The following KCTD9 variants were observed in gnomAD, a reference collection of about 807,000 sequenced individuals.
KCTD9 encodes BTB/POZ domain-containing protein KCTD9.
Under a neutral mutation model 53.3 loss-of-function variants are expected in KCTD9, and 17 were observed. The ratio of observed to expected loss-of-function variants is 0.32; its 90% confidence interval spans 0.22 to 0.48. The LOEUF (loss-of-function observed/expected upper bound fraction) is 0.48. KCTD9 is among the 20% of genes least tolerant of loss of function. The pLI is 0.99. For missense variants in KCTD9, 179 were observed against 465.5 expected (o/e 0.38, Z 5.66); for synonymous variants, 128 against 162.7 (o/e 0.79, Z 1.62).
chr8:25,436,795 TA>T (rs3215161), intron 6 of KCTD9, among the ~76,000 whole-genome samples: 26,699 of 151,664 alleles, frequency 0.18, 2,674 homozygotes, highest in East Asian at 0.25. Context: ...TTTAACTTGG[TA>T]AAAAAAAATG....
chr8:25,457,346 C>G (rs971316083), intron 1 of KCTD9: 36 of 984,502 alleles, frequency 3.7e-5, no homozygotes, highest in Non-Finnish European at 4.3e-5. Flanking sequence ...CATTTAGCAA[C>G]GCAATAAATG....
chr8:25,455,818 T>C (rs539866527), intron 1 of KCTD9, among the ~76,000 whole-genome samples: 2 of 152,208 alleles, frequency 1.3e-5, no homozygotes, highest in Non-Finnish European at 2.9e-5. Context: ...ACCAGCTGAA[T>C]GTTCAGTGAC....
intron 6 of KCTD9, 106 bp downstream of exon 6, chr8:25,439,173 T>C: frequency 1.2e-6 from 1 of 861,852 alleles, no homozygotes; most frequent in Non-Finnish European, 1.7e-6. Context: ...ATATATACTT[T>C]TACTTTATGG....
chr8:25,440,528 C>G (rs773692863), intron 4 of KCTD9, 49 bp downstream of exon 4: 2 of 1,178,158 alleles, frequency 1.7e-6, no homozygotes, highest in South Asian at 2.4e-5. Flanking sequence ...AAAGGGTACA[C>G]AGTGCTTCTT....
chr8:25,446,413 A>G (rs1034400348), intron 1 of KCTD9, among the ~76,000 whole-genome samples, 163 bp from the exon 2 acceptor site: 6 of 152,174 alleles, frequency 3.9e-5, no homozygotes, highest in Non-Finnish European at 5.9e-5. Flanking sequence ...TCATTTATTC[A>G]CTTGGTGCCT....
chr8:25,433,719 T>C (rs982597454), intron 9 of KCTD9, among the ~76,000 whole-genome samples: 31 of 152,166 alleles, frequency 2.0e-4, no homozygotes, highest in Admixed American at 1.9e-3. Flanking sequence ...GATAAAGAAG[T>C]TGGGTGAGTC....
intron 1 of KCTD9, among the ~76,000 whole-genome samples, chr8:25,454,782 T>C (rs1802400411): frequency 6.6e-6 from 1 of 152,250 alleles, no homozygotes. Context: ...TATTTATGTA[T>C]TTATGAACTA....
In KCTD9 at chr8:25,457,265, T is replaced by C. The variant is rs772959065; in HGVS notation, c.48+934A>G. 718 of 628,984 alleles carry C rather than the reference T, an allele frequency of 1.1e-3. 2 individuals are homozygous for C. Among genetic ancestry groups the C allele is most frequent in the Non-Finnish European group, 1.3e-3 (659 of 503,722 alleles). 39.0% of individuals were successfully genotyped at this position (628,984 alleles called of 1,614,324 possible). ...CCGAATGTGCAGGCAGCAGAGTATTTTGGCAACCAACACAGCGAGACCCAT... is the reference window on the plus strand; with the variant it reads ...CCGAATGTGCAGGCAGCAGAGTATTCTGGCAACCAACACAGCGAGACCCAT... On this transcript the variant is annotated intron_variant, in intron 1 of 11. Coordinates refer to ENST00000221200, the MANE Select transcript of KCTD9 (RefSeq NM_017634.4).
chr8:25,443,349 C>T (rs76875120), intron 3 of KCTD9, among the ~76,000 whole-genome samples: 9,395 of 152,076 alleles, frequency 0.062, 365 homozygotes, highest in South Asian at 0.1. Flanking sequence ...TAAAATCCAA[C>T]AAGGTTTGTT....
intron 1 of KCTD9, among the ~76,000 whole-genome samples, chr8:25,448,920 A>G (rs1586435893): frequency 6.6e-6 from 1 of 150,460 alleles, no homozygotes; most frequent in Non-Finnish European, 1.5e-5. Flanking sequence ...TTCTCCAAGA[A>G]AAAAAAAAAG....
intron 1 of KCTD9, 141 bp downstream of exon 1, chr8:25,458,058 C>A: frequency 1.3e-6 from 1 of 775,544 alleles, no homozygotes; most frequent in Non-Finnish European, 2.1e-6. Flanking sequence ...GGACCCTGTG[C>A]TGTCCCCGAG....
chr8:25,435,589 C>T, intron 8 of KCTD9, 77 bp from the exon 9 acceptor site: 1 of 1,366,902 alleles, frequency 7.3e-7, no homozygotes, highest in Non-Finnish European at 9.8e-7. Context: ...TAGCTAACCA[C>T]CAAGTTTTTT....
At chr8:25,439,430 A>G in intron 5 of KCTD9, 23 bp from the exon 6 acceptor site, 2 of 1,584,848 alleles carry the variant, frequency 1.3e-6, no homozygotes, top group Non-Finnish European at 1.7e-6. Flanking sequence ...TATAATAAAG[A>G]AAGTCCCCCA....
At chr8:25,435,629 G>C (rs1451222030) in intron 8 of KCTD9, 117 bp from the exon 9 acceptor site, 2 of 770,680 alleles carry the variant, frequency 2.6e-6, no homozygotes, top group Non-Finnish European at 4.1e-6. Flanking sequence ...CAGTCACTTG[G>C]AGTTTATTAC....
chr8:25,452,111 C>T (rs891780423), intron 1 of KCTD9, among the ~76,000 whole-genome samples: 1 of 152,100 alleles, frequency 6.6e-6, no homozygotes, highest in Non-Finnish European at 1.5e-5. Flanking sequence ...AACCACTAAT[C>T]ACCACTAGTA....
intron 1 of KCTD9, among the ~76,000 whole-genome samples, chr8:25,447,719 T>A (rs1157030092): frequency 6.6e-6 from 1 of 152,032 alleles, no homozygotes; most frequent in Admixed American, 6.5e-5. Context: ...GCAAGAAAAA[T>A]TTAAGCGGAA....
At chr8:25,444,416 T>C in intron 2 of KCTD9, 81 bp from the exon 3 acceptor site, 1 of 1,313,350 alleles carries the variant, frequency 7.6e-7, no homozygotes. Flanking sequence ...GAACTATTCC[T>C]TACAATTATA....
intron 1 of KCTD9, among the ~76,000 whole-genome samples, chr8:25,448,462 T>C (rs1802256660): frequency 6.6e-6 from 1 of 152,240 alleles, no homozygotes; most frequent in African/African-American, 2.4e-5. Context: ...ACCGTGGTGA[T>C]GGTTACACAC....
chr8:25,432,381 G>A (rs1801947215), intron 11 of KCTD9, 123 bp downstream of exon 11: 1 of 793,682 alleles, frequency 1.3e-6, no homozygotes, highest in Non-Finnish European at 2.1e-6. Context: ...TAGACTGAAT[G>A]TCAGATGAGT....
Sources: allele counts gnomAD v4.1 joint callset (sites outside exome capture counted in the v4.1 genomes callset), GRCh38; gene constraint gnomAD v4.1.1; transcripts MANE v1.5; gene names NCBI Gene and HGNC (gene_info 2026-07-23, HGNC 2026-07-21).